Variants in FHOD3 observed in about 807,000 individuals in gnomAD.
FHOD3 encodes the protein FH1/FH2 domain-containing protein 3.
In FHOD3, 90 loss-of-function variants were observed where a neutral mutation model predicts 173.0. The ratio of observed to expected loss-of-function variants is 0.52; its 90% CI spans 0.44 to 0.62. FHOD3 has a LOEUF of 0.62. FHOD3 is among the 20% of genes least tolerant of loss of function. The probability of loss-of-function intolerance (pLI) is 0.00; values close to 1 mark genes in which losing one functional copy is unlikely to be tolerated. For synonymous variants in FHOD3, 828 were observed against 823.0 expected (o/e 1.01, Z -0.10); for missense variants, 1,945 against 2,034.7 (o/e 0.96, Z 0.85).
chr18:36,534,854 T>G (rs1455466065), intron 5 of FHOD3, among the ~76,000 whole-genome samples: 1 of 152,230 alleles, frequency 6.6e-6, no homozygotes, highest in Non-Finnish European at 1.5e-5. Context: ...CAGGTCTGGC[T>G]TTTACTCGGC....
intron 9 of FHOD3, among the ~76,000 whole-genome samples, chr18:36,620,319 GTTTTTTCTTCCTA>G (rs1178340943): frequency 6.6e-6 from 1 of 152,144 alleles, no homozygotes; most frequent in Non-Finnish European, 1.5e-5. Context: ...TGCCTGGAGT[GTTTTTTCTTCCTA>G]TTCTCAAGTT....
intron 9 of FHOD3, among the ~76,000 whole-genome samples, chr18:36,623,245 A>T (rs1400535933): frequency 6.6e-6 from 1 of 152,222 alleles, no homozygotes; most frequent in Non-Finnish European, 1.5e-5. Flanking sequence ...GTAGAACGTC[A>T]CTTGATCCTT....
At chr18:36,766,920 C>G (rs1348379516) in intron 27 of FHOD3, among the ~76,000 whole-genome samples, 1 of 152,036 alleles carries the variant, frequency 6.6e-6, no homozygotes, top group African/African-American at 2.4e-5. Flanking sequence ...TAAGATAAGA[C>G]AAAATTATAA....
At position 36,725,429 on chromosome 18, in the gene FHOD3, C is replaced by T. The variant is rs534025468; in HGVS notation, c.3418-5217C>T. ...AAGTGGATTATATATCAAAGAGAGG[C>T]GATAAATATAGGGAAGCTTACACAG... On this transcript the variant is annotated intron_variant, in intron 19 of 28. Coordinates refer to ENST00000590592, the MANE Select transcript of FHOD3 (RefSeq NM_001281740.3). Among the ~76,000 whole-genome samples the T allele has an allele frequency of 3.6e-4, 55 of 152,212 alleles. No homozygotes were observed. In the South Asian group the frequency reaches 6.0e-3, roughly 17 times the overall value.
In FHOD3 at chr18:36,664,131, G is replaced by T. The variant is rs2036995068; in HGVS notation, c.1835+5943G>T. Among the ~76,000 whole-genome samples the T allele has an allele frequency of 3.3e-5, 5 of 151,928 alleles. No homozygotes were observed. The South Asian group carries it at 1.0e-3, about 32-fold the overall frequency. ...ATTGAGAGCCACATTGTGCAATGGGGTTCTAGTTTTTAAAAAAATTAAATT... is the reference window on the plus strand; with the variant it reads ...ATTGAGAGCCACATTGTGCAATGGGTTTCTAGTTTTTAAAAAAATTAAATT... On this transcript the variant is annotated intron_variant, in intron 14 of 28. Coordinates refer to ENST00000590592, the MANE Select transcript of FHOD3 (RefSeq NM_001281740.3).
intron 3 of FHOD3, among the ~76,000 whole-genome samples, chr18:36,461,527 G>A (rs1599220423): frequency 1.3e-5 from 2 of 151,540 alleles, no homozygotes; most frequent in African/African-American, 2.4e-5. Context: ...GACTTGGCTC[G>A]TGGAATTGCT....
intron 3 of FHOD3, among the ~76,000 whole-genome samples, chr18:36,437,902 T>C (rs1432451914): frequency 1.3e-5 from 2 of 152,266 alleles, no homozygotes; most frequent in Non-Finnish European, 1.5e-5. Context: ...GACCTCGTGA[T>C]CCATCTGCCT....
At chr18:36,700,648 C>T (rs2039530782) in intron 17 of FHOD3, among the ~76,000 whole-genome samples, 1 of 152,148 alleles carries the variant, frequency 6.6e-6, no homozygotes, top group Admixed American at 6.5e-5. Flanking sequence ...TTCTTCCAGG[C>T]TCTTCTCAGC....
At chr18:36,618,311 G>GTTTTTTTTTT (rs34019893) in intron 9 of FHOD3, among the ~76,000 whole-genome samples, 2 of 70,844 alleles carry the variant, frequency 2.8e-5, no homozygotes, top group African/African-American at 5.4e-5. Context: ...TTTTTTGGTG[G>GTTTTTTTTTT]TTTTTTTTTT....
At chr18:36,350,926 CA>C (rs2046095151) in intron 1 of FHOD3, among the ~76,000 whole-genome samples, 1 of 152,216 alleles carries the variant, frequency 6.6e-6, no homozygotes, top group African/African-American at 2.4e-5. Flanking sequence ...AACATGACCC[CA>C]TCCCCACATA....
At chr18:36,445,326 A>G (rs1218744125) in intron 3 of FHOD3, among the ~76,000 whole-genome samples, 1 of 152,204 alleles carries the variant, frequency 6.6e-6, no homozygotes, top group African/African-American at 2.4e-5. Context: ...CTCTTCTGTT[A>G]GGAAAAGAAC....
chr18:36,447,009 G>A (rs1157049760), intron 3 of FHOD3, among the ~76,000 whole-genome samples: 1 of 152,108 alleles, frequency 6.6e-6, no homozygotes, highest in Non-Finnish European at 1.5e-5. Context: ...TTTTGCCTAG[G>A]ACCTGCTGTG....
At chr18:36,319,040 T>C (rs866830183) in intron 1 of FHOD3, among the ~76,000 whole-genome samples, 1 of 152,226 alleles carries the variant, frequency 6.6e-6, no homozygotes, top group South Asian at 2.1e-4. Flanking sequence ...GATTTGTGTA[T>C]GTTGAACCAG....
At chr18:36,389,994 C>G (rs2146448678) in intron 3 of FHOD3, among the ~76,000 whole-genome samples, 1 of 152,316 alleles carries the variant, frequency 6.6e-6, no homozygotes, top group South Asian at 2.1e-4. Context: ...TGAGCTGTCT[C>G]AGTGGTAAGG....
At chr18:36,657,955 G>A (rs770996978) in intron 13 of FHOD3, 120 bp from the exon 14 acceptor site, 32 of 674,104 alleles carry the variant, frequency 4.7e-5, no homozygotes, top group Admixed American at 1.7e-4. Context: ...CACTAACAGT[G>A]GTAGCATTTC....
chr18:36,729,244 C>T (rs750082754), intron 19 of FHOD3, among the ~76,000 whole-genome samples: 3 of 152,142 alleles, frequency 2.0e-5, no homozygotes, highest in Non-Finnish European at 2.9e-5. Flanking sequence ...TCAAAATAGC[C>T]ATCCTCCCAA....
intron 3 of FHOD3, among the ~76,000 whole-genome samples, chr18:36,379,442 C>G (rs1421402595): frequency 5.1e-4 from 78 of 152,066 alleles, no homozygotes. Context: ...CTAGGGATCT[C>G]GAGGTGTTGG....
At chr18:36,420,498 C>T (rs538350924) in intron 3 of FHOD3, among the ~76,000 whole-genome samples, 2 of 152,318 alleles carry the variant, frequency 1.3e-5, no homozygotes, top group African/African-American at 4.8e-5. Context: ...TGTGCTGCCT[C>T]GGGAGGTGAC....
At chr18:36,556,104 T>G (rs1189219769) in intron 5 of FHOD3, among the ~76,000 whole-genome samples, 1 of 152,196 alleles carries the variant, frequency 6.6e-6, no homozygotes, top group Non-Finnish European at 1.5e-5. Flanking sequence ...ATCTGTACTT[T>G]GTTACATTTT....
Sources: gnomAD v4.1 joint callset for allele counts (sites outside exome capture counted in the v4.1 genomes callset) on GRCh38, gnomAD v4.1.1 for gene constraint, MANE v1.5 for transcripts, NCBI Gene and HGNC (gene_info 2026-07-23, HGNC 2026-07-21) for gene names.